ZBTB46: variants seen among roughly 807,000 people sequenced by gnomAD.
The protein encoded by ZBTB46 is zinc finger and BTB domain-containing protein 46.
In ZBTB46, 8 loss-of-function variants were observed where a neutral mutation model predicts 44.1. The ratio of observed to expected loss-of-function variants is 0.18; its 90% confidence interval spans 0.11 to 0.33. The LOEUF is 0.33. ZBTB46 is among the 10% of genes least tolerant of loss of function. ZBTB46 has a pLI of 1.00. For missense variants in ZBTB46, 651 were observed against 847.7 expected (o/e 0.77, Z 2.88); for synonymous variants, 409 against 382.3 (o/e 1.07, Z -0.81).
At chr20:63,755,379 C>A (rs1264251261) in intron 3 of ZBTB46, among the ~76,000 whole-genome samples, 1 of 152,234 alleles carries the variant, frequency 6.6e-6, no homozygotes, top group Non-Finnish European at 1.5e-5. Flanking sequence ...GCCTCTTCAG[C>A]TCCTAGTAGC....
intron 2 of ZBTB46, 116 bp downstream of exon 2, chr20:63,789,704 AC>A: frequency 4.1e-6 from 6 of 1,480,168 alleles, no homozygotes; most frequent in Non-Finnish European, 5.4e-6. Flanking sequence ...AGAGGAAGTG[AC>A]CCTAGAAAGC....
chr20:63,809,312 G>A (rs1043721319), intron 1 of ZBTB46, among the ~76,000 whole-genome samples: 11 of 152,338 alleles, frequency 7.2e-5, no homozygotes, highest in African/African-American at 2.6e-4. Flanking sequence ...TCCAGGAATG[G>A]GGTCCTGGGG....
chr20:63,782,473 C>T (rs1366599243), intron 2 of ZBTB46, among the ~76,000 whole-genome samples: 1 of 152,208 alleles, frequency 6.6e-6, no homozygotes, highest in Non-Finnish European at 1.5e-5. Flanking sequence ...CTGCCGGCTG[C>T]TTCAGACTTC....
rs2092621418 is a variant in ZBTB46, at chr20:63,798,681, A to AC, written c.-33-7892_-33-7891insG. ...CAGAGCTAGACTCTGTCTCAAAAAA[A>AC]AAAAAAAAAAAATTAGCTGGGCATG... On this transcript the variant is annotated intron_variant, in intron 1 of 4. Transcript: ENST00000245663. Among the ~76,000 whole-genome samples the AC allele has an allele frequency of 2.9e-5, 4 of 139,926 alleles. 2 individuals are homozygous for AC. The highest frequency in any genetic ancestry group is 1.1e-4 in the African/African-American group (4 of 37,396). 91.8% of individuals were successfully genotyped at this position (139,926 alleles called of 152,430 possible).
chr20:63,768,106 T>C, intron 3 of ZBTB46: 3 of 985,424 alleles, frequency 3.0e-6, no homozygotes, highest in Non-Finnish European at 2.4e-6. Context: ...TAAGACAGCC[T>C]GTCAACAGCC....
chr20:63,811,418 C>T (rs556999157), intron 1 of ZBTB46, among the ~76,000 whole-genome samples: 1 of 152,364 alleles, frequency 6.6e-6, no homozygotes, highest in African/African-American at 2.4e-5. Context: ...CTCCCAGCTT[C>T]TGACTTCCAG....
Position 63,747,319 on chromosome 20 carries a change from G to A in ZBTB46, c.1399-18C>T. 3 of 1,445,346 alleles carry A rather than the reference G, an allele frequency of 2.1e-6. No individual in the cohort carries two copies. Among genetic ancestry groups the A allele is most frequent in the Non-Finnish European group, 2.7e-6 (3 of 1,091,594 alleles). The allele number at this position is 1,445,346 out of a possible 1,614,324, so 89.5% of individuals were successfully genotyped here. ...CTGTGGACCTGCAGAGGCAGGGCAGGGGGTGAGCAGGGCCTGGTGGGTTGG... is the reference window on the plus strand; with the variant it reads ...CTGTGGACCTGCAGAGGCAGGGCAGAGGGTGAGCAGGGCCTGGTGGGTTGG... On this transcript the variant is annotated intron_variant, in intron 4 of 4. Coordinates refer to ENST00000245663, the MANE Select transcript of ZBTB46 (RefSeq NM_001369741.1).
chr20:63,758,495 G>T (rs904323856), intron 3 of ZBTB46, among the ~76,000 whole-genome samples: 1 of 150,992 alleles, frequency 6.6e-6, no homozygotes, highest in Admixed American at 6.6e-5. Flanking sequence ...TCTGGAAATT[G>T]GTGAGTGTAA....
rs1166547598 is a variant in ZBTB46, at chr20:63,823,947, T to TC, written c.-34+7149dup. Among the ~76,000 whole-genome samples the TC allele has an allele frequency of 3.3e-5, 5 of 151,078 alleles. No homozygotes were observed. In the East Asian group the frequency reaches 9.7e-4, roughly 29 times the overall value. ...AGGAAATGTAAACCGTTGAATGGGC[T>TC]CCCCACAGGACTAACGTAAACGACC... On this transcript the variant is annotated intron_variant, in intron 1 of 4. Coordinates refer to ENST00000245663, the MANE Select transcript of ZBTB46 (RefSeq NM_001369741.1).
chr20:63,825,333 A>G (rs6011168), intron 1 of ZBTB46, among the ~76,000 whole-genome samples: 25,715 of 147,548 alleles, frequency 0.17, 2,760 homozygotes, highest in East Asian at 0.46. Context: ...CCCGGGAGGC[A>G]GAGGTTGTAA....
At chr20:63,798,356 C>T (rs1307541674) in intron 1 of ZBTB46, among the ~76,000 whole-genome samples, 1 of 151,864 alleles carries the variant, frequency 6.6e-6, no homozygotes, top group Non-Finnish European at 1.5e-5. Context: ...ATTGGAAACC[C>T]GGTCTTTACA....
intron 3 of ZBTB46, among the ~76,000 whole-genome samples, chr20:63,764,791 G>A (rs2092305057): frequency 6.6e-6 from 1 of 151,976 alleles, no homozygotes; most frequent in South Asian, 2.1e-4. Flanking sequence ...TAGTAGAGAT[G>A]GGGTTTCTCC....
intron 1 of ZBTB46, 119 bp downstream of exon 1, chr20:63,830,978 C>T (rs2092847711): frequency 7.2e-6 from 1 of 139,464 alleles, no homozygotes; most frequent in African/African-American, 2.6e-5. Context: ...GCGGGGCGGC[C>T]GGCGGCGGGG....
intron 1 of ZBTB46, among the ~76,000 whole-genome samples, chr20:63,830,602 G>T (rs1293956856): frequency 6.7e-6 from 1 of 150,266 alleles, no homozygotes; most frequent in South Asian, 2.1e-4. Flanking sequence ...GGCGGCTCCG[G>T]GTGCGGCTGG....
chr20:63,769,339 G>C lies in ZBTB46; in HGVS notation c.1222+6339C>G, dbSNP rs910507064. The stretch of plus-strand genomic sequence containing the variant: ...GTGGCTCTGAGGGTGGAGGGTGGAG[G>C]GGCTTCTGTTCTGCCATCAGCGACC... On this transcript the variant is annotated intron_variant, in intron 3 of 4. Coordinates refer to ENST00000245663, the MANE Select transcript of ZBTB46 (RefSeq NM_001369741.1). 39 of 985,282 alleles carry C rather than the reference G, an allele frequency of 4.0e-5. 1 individual carries two copies. The highest frequency in any genetic ancestry group is 1.2e-6 in the Non-Finnish European group (1 of 829,926). 61.0% of individuals were successfully genotyped at this position (985,282 alleles called of 1,614,324 possible).
chr20:63,756,657 C>A (rs753931296), intron 3 of ZBTB46, among the ~76,000 whole-genome samples: 3 of 152,246 alleles, frequency 2.0e-5, no homozygotes, highest in African/African-American at 4.8e-5. Flanking sequence ...ACAGGCACTG[C>A]GTGTTCCCAG....
At chr20:63,820,048 T>C (rs1164086063) in intron 1 of ZBTB46, among the ~76,000 whole-genome samples, 1 of 152,148 alleles carries the variant, frequency 6.6e-6, no homozygotes. Context: ...GTTAGCAACG[T>C]ATAACGAAGA....
At chr20:63,830,174 T>C (rs867058314) in intron 1 of ZBTB46, among the ~76,000 whole-genome samples, 1 of 152,180 alleles carries the variant, frequency 6.6e-6, no homozygotes, top group African/African-American at 2.4e-5. Context: ...TCCAGCCCTA[T>C]TGTGTGTGCT....
chr20:63,763,659 C>T (rs539174082), intron 3 of ZBTB46, among the ~76,000 whole-genome samples: 4 of 152,178 alleles, frequency 2.6e-5, no homozygotes, highest in Admixed American at 1.3e-4. Flanking sequence ...TCCAGTATTG[C>T]GGATCACAGT....
Sources: gnomAD v4.1 joint callset for allele counts (sites outside exome capture counted in the v4.1 genomes callset) on GRCh38, gnomAD v4.1.1 for gene constraint, MANE v1.5 for transcripts, NCBI Gene and HGNC (gene_info 2026-07-23, HGNC 2026-07-21) for gene names.